The following NTM variants were observed in gnomAD, a reference collection of about 807,000 sequenced individuals.
NTM encodes IgLON family member 2.
A neutral mutation model predicts 42.1 loss-of-function variants in NTM; 13 were observed. The observed-to-expected ratio is 0.31, with a 90% CI of 0.20 to 0.49. The LOEUF (loss-of-function observed/expected upper bound fraction) is 0.49, where lower values mean the gene tolerates loss of function less well. NTM is among the 20% of genes least tolerant of loss of function. NTM has a pLI of 0.99. For synonymous variants in NTM, 187 were observed against 179.2 expected, an observed-to-expected ratio of 1.04 and a Z score of -0.35; for missense variants, 373 against 452.8, an observed-to-expected ratio of 0.82 and a Z score of 1.60.
intron 1 of NTM, among the ~76,000 whole-genome samples, chr11:131,778,402 A>T (rs939770006): frequency 6.6e-6 from 1 of 152,252 alleles, no homozygotes; most frequent in Non-Finnish European, 1.5e-5. Context: ...GAGAAACTTA[A>T]AAGTGATTTA....
intron 2 of NTM, among the ~76,000 whole-genome samples, chr11:132,020,098 G>A (rs901232868): frequency 6.6e-6 from 1 of 151,928 alleles, no homozygotes; most frequent in African/African-American, 2.4e-5. Context: ...TTGATTTTCA[G>A]TTTTTGTGTT....
At chr11:131,571,721 G>A (rs1029898003) in intron 1 of NTM, among the ~76,000 whole-genome samples, 6 of 152,338 alleles carry the variant, frequency 3.9e-5, no homozygotes, top group Non-Finnish European at 8.8e-5. Flanking sequence ...CAAAAGAGAT[G>A]TCGGATTTCC....
chr11:131,779,063 G>T (rs1156378237), intron 1 of NTM, among the ~76,000 whole-genome samples: 1 of 152,214 alleles, frequency 6.6e-6, no homozygotes, highest in Non-Finnish European at 1.5e-5. Context: ...GACTGCCGAT[G>T]GGGGCTACGT....
At chr11:131,613,848 C>T (rs61901570) in intron 1 of NTM, among the ~76,000 whole-genome samples, 29,942 of 152,062 alleles carry the variant, frequency 0.2, 3,577 homozygotes, top group South Asian at 0.33. Context: ...GGGAACACCA[C>T]GTACCTGCCT....
intron 2 of NTM, among the ~76,000 whole-genome samples, chr11:131,955,417 G>A (rs925580436): frequency 6.6e-6 from 1 of 152,212 alleles, no homozygotes; most frequent in African/African-American, 2.4e-5. Context: ...GCAACTGCTA[G>A]GCCTTCCCTC....
At chr11:131,970,316 C>G (rs902320507) in intron 2 of NTM, among the ~76,000 whole-genome samples, 3 of 152,214 alleles carry the variant, frequency 2.0e-5, no homozygotes, top group African/African-American at 7.2e-5. Flanking sequence ...TGTTTGGCTT[C>G]CATGTTCTAC....
chr11:131,372,738 T>G (rs1941390196), intron 1 of NTM, among the ~76,000 whole-genome samples: 1 of 152,108 alleles, frequency 6.6e-6, no homozygotes, highest in African/African-American at 2.4e-5. Context: ...CCCTGCTGGC[T>G]GCATGCCAGG....
chr11:131,667,951 T>C (rs1006150545), intron 1 of NTM, among the ~76,000 whole-genome samples: 2 of 152,208 alleles, frequency 1.3e-5, no homozygotes, highest in African/African-American at 2.4e-5. Flanking sequence ...TCCAAGTTAA[T>C]AGTCATAGTT....
chr11:132,208,393 C>T (rs938402680), intron 3 of NTM, among the ~76,000 whole-genome samples: 1 of 152,222 alleles, frequency 6.6e-6, no homozygotes, highest in Non-Finnish European at 1.5e-5. Context: ...AATGATCTGT[C>T]TTTCTCACTC....
At chr11:131,565,163 C>T (rs2056740117) in intron 1 of NTM, among the ~76,000 whole-genome samples, 1 of 152,230 alleles carries the variant, frequency 6.6e-6, no homozygotes, top group Admixed American at 6.5e-5. Context: ...CCTGTGAACA[C>T]AGGGAGCAGC....
At chr11:131,727,140 C>T (rs2135448474) in intron 1 of NTM, among the ~76,000 whole-genome samples, 1 of 151,398 alleles carries the variant, frequency 6.6e-6, no homozygotes, top group Non-Finnish European at 1.5e-5. Flanking sequence ...CATTTTCCAA[C>T]CCCAAACAGC....
intron 1 of NTM, among the ~76,000 whole-genome samples, chr11:131,676,914 A>C (rs2695811): frequency 1.3e-5 from 2 of 152,048 alleles, no homozygotes; most frequent in African/African-American, 4.8e-5. Context: ...GGACCTGTCC[A>C]CTTAGCTGCG....
rs1327300914 is a variant in NTM at position 132,146,482 on chromosome 11, C to A, written c.368C>A (p.Pro123Gln). The change falls in exon 3 of 9, where the codon CCA (proline) becomes CAA (glutamine). Residue 123 changes from proline (P) to glutamine (Q), a missense_variant. By Grantham distance (76) the Pro-to-Gln change is moderately conservative (BLOSUM62 -1). This residue lies in a region of NTM where 312 missense variants were observed against 353.5 expected (regional missense o/e 0.88). Transcript: ENST00000683400. The surrounding 1 kb of genome is among the most constrained non-coding windows in gnomAD (Gnocchi z 4.5). Reference protein sequence around the residue: ...YTCSVQTDNHPKTSRVHLIVQ... With the variant: ...YTCSVQTDNHQKTSRVHLIVQ... ...TGCTCGGTGCAGACAGACAACCACC[C>A]AAAGACCTCTAGGGTCCACCTCATT... The A allele has an allele frequency of 6.2e-7, 1 of 1,614,164 alleles. No individual in the cohort carries two copies. Among genetic ancestry groups the A allele is most frequent in the Non-Finnish European group, 8.5e-7 (1 of 1,180,032 alleles).
Position 132,336,360 on chromosome 11 carries a change from T to C in NTM, c.*1214T>C, listed in dbSNP as rs1430678260. The C allele has an allele frequency of 1.3e-5, 2 of 151,474 alleles. No homozygotes were observed. The highest frequency in any genetic ancestry group is 4.9e-5 in the African/African-American group (2 of 41,090). 9.4% of individuals were successfully genotyped at this position (151,474 alleles called of 1,614,324 possible). A position where few individuals can be genotyped will look rare whatever the true frequency, so the allele number is the denominator to read the frequency against. ...TTTATTTTCTTGGGTTATTTACATG[T>C]CAGAGACATTTATAAAAAGTGAAAG... On this transcript the variant is annotated 3_prime_UTR_variant, in exon 9 of 9. Coordinates refer to ENST00000683400, the MANE Select transcript of NTM (RefSeq NM_001352005.2).
chr11:131,629,315 T>C (rs1049823745), intron 1 of NTM, among the ~76,000 whole-genome samples: 5 of 152,188 alleles, frequency 3.3e-5, no homozygotes, highest in African/African-American at 1.2e-4. Context: ...AATCTGATTA[T>C]GTCCAGTTGT....
At chr11:131,794,686 A>G in intron 1 of NTM, 1 of 985,408 alleles carries the variant, frequency 1.0e-6, no homozygotes, top group Non-Finnish European at 1.2e-6. Context: ...TTTAGAAGTC[A>G]TTTTTAAGAC....
At chr11:131,386,218 C>T (rs1385407120) in intron 1 of NTM, among the ~76,000 whole-genome samples, 1 of 152,080 alleles carries the variant, frequency 6.6e-6, no homozygotes. Flanking sequence ...AGCCAGACAC[C>T]AAAGGACCGA....
chr11:132,176,563 A>C (rs1162803070), intron 3 of NTM, among the ~76,000 whole-genome samples: 2 of 152,052 alleles, frequency 1.3e-5, no homozygotes, highest in Non-Finnish European at 2.9e-5. Context: ...TAAATATTTG[A>C]GGGACTATTT....
At chr11:131,459,173 G>C (rs548079703) in intron 1 of NTM, among the ~76,000 whole-genome samples, 1 of 152,348 alleles carries the variant, frequency 6.6e-6, no homozygotes, top group Non-Finnish European at 1.5e-5. Flanking sequence ...AAGTAGATCA[G>C]ACAGCTGCCA....
Sources: allele counts gnomAD v4.1 joint callset (sites outside exome capture counted in the v4.1 genomes callset), GRCh38; gene constraint gnomAD v4.1.1; regional missense constraint gnomAD v4.1.1; non-coding constraint Gnocchi (gnomAD v3.1); transcripts MANE v1.5; gene names NCBI Gene and HGNC (gene_info 2026-07-23, HGNC 2026-07-21).